CALN1: variants seen among roughly 807,000 people sequenced by gnomAD.
CALN1 encodes the protein calcium-binding protein 8.
Under a neutral mutation model 30.6 loss-of-function variants are expected in CALN1, and 17 were observed. The ratio of observed to expected loss-of-function variants is 0.56; its 90% confidence interval spans 0.38 to 0.83. The LOEUF is 0.83. CALN1 is among the 40% of genes least tolerant of loss of function. The probability of loss-of-function intolerance (pLI) is 0.00; values close to 1 mark genes in which losing one functional copy is unlikely to be tolerated. For synonymous variants in CALN1, 156 were observed against 131.4 expected (o/e 1.19, Z -1.28); for missense variants, 291 against 354.9 (o/e 0.82, Z 1.45).
intron 1 of CALN1, among the ~76,000 whole-genome samples, chr7:72,429,333 T>C (rs898779939): frequency 3.9e-5 from 6 of 152,194 alleles, no homozygotes; most frequent in South Asian, 4.1e-4. Flanking sequence ...GTTTTGTTCC[T>C]TGCAACATCT....
chr7:71,894,502 C>T (rs1162099325), intron 5 of CALN1, among the ~76,000 whole-genome samples: 1 of 152,162 alleles, frequency 6.6e-6, no homozygotes, highest in Admixed American at 6.5e-5. Flanking sequence ...CCTGGCCTCA[C>T]TCAGGTGATC....
chr7:72,204,500 A>C (rs1363030327), intron 3 of CALN1, among the ~76,000 whole-genome samples: 1 of 152,206 alleles, frequency 6.6e-6, no homozygotes, highest in Non-Finnish European at 1.5e-5. Context: ...AACATTATAA[A>C]AACTATACTA....
chr7:72,406,479 C>T (rs1055649997), intron 1 of CALN1, among the ~76,000 whole-genome samples: 5 of 152,136 alleles, frequency 3.3e-5, no homozygotes, highest in African/African-American at 1.2e-4. Flanking sequence ...CAGAATTTGT[C>T]CTCTAAAGTC....
chr7:72,325,828 C>T (rs1462282716), intron 2 of CALN1, among the ~76,000 whole-genome samples: 1 of 152,106 alleles, frequency 6.6e-6, no homozygotes, highest in African/African-American at 2.4e-5. Flanking sequence ...ACAAAACAGG[C>T]TTGAAAATGC....
chr7:72,305,594 A>G (rs1437476117), intron 2 of CALN1, among the ~76,000 whole-genome samples: 1 of 152,116 alleles, frequency 6.6e-6, no homozygotes, highest in Non-Finnish European at 1.5e-5. Flanking sequence ...CTCTCCCAAG[A>G]CAGTGAGAGG....
intron 2 of CALN1, among the ~76,000 whole-genome samples, chr7:72,394,442 T>G (rs1009863199): frequency 5.9e-5 from 9 of 152,200 alleles, no homozygotes; most frequent in South Asian, 4.1e-4. Context: ...TCCAAAGCAT[T>G]GCCTGTGAGA....
In CALN1 at chr7:72,283,369, C is replaced by G. The variant is rs141497339; in HGVS notation, c.120-4559G>C. ...GCAAGACCCTGTCTCTTCACACAGA[C>G]CAAAAAATAAAAAAATTTAGCTGGG... is the stretch of plus-strand genomic sequence containing the variant. On this transcript the variant is annotated intron_variant, in intron 2 of 6. Transcript: ENST00000395275. Among the ~76,000 whole-genome samples, 703 of 151,794 alleles carry G rather than the reference C, an allele frequency of 4.6e-3. 5 individuals carry two copies. The highest frequency in any genetic ancestry group is 0.016 in the African/African-American group (677 of 41,356).
At chr7:72,018,900 G>A (rs567113407) in intron 5 of CALN1, among the ~76,000 whole-genome samples, 2 of 151,976 alleles carry the variant, frequency 1.3e-5, no homozygotes, top group African/African-American at 4.8e-5. Flanking sequence ...GCAGTGGCTC[G>A]ATCTCAGCTC....
chr7:72,334,853 T>C (rs1486415533), intron 2 of CALN1, among the ~76,000 whole-genome samples: 1 of 152,188 alleles, frequency 6.6e-6, no homozygotes, highest in Admixed American at 6.5e-5. Flanking sequence ...AACAGCTTCA[T>C]GCAGCTATTG....
At chr7:72,494,006 A>G in the CALN1 span, among the ~76,000 whole-genome samples, 3 of 152,212 alleles carry the variant, frequency 2.0e-5, no homozygotes, top group Admixed American at 6.5e-5. Flanking sequence ...CCTGGGCAAC[A>G]TAGAGAGACC....
the CALN1 span, among the ~76,000 whole-genome samples, chr7:72,501,419 A>AAAGAG: frequency 6.8e-6 from 1 of 146,704 alleles, no homozygotes; most frequent in Non-Finnish European, 1.5e-5. Context: ...AGAGAAGAAG[A>AAAGAG]AAGAGGAAGA....
In CALN1 at chr7:71,925,292, G is replaced by A. The variant is rs184255431; in HGVS notation, c.501+98365C>T. Among the ~76,000 whole-genome samples, 33 of 151,974 alleles carry A rather than the reference G, an allele frequency of 2.2e-4. No individual in the cohort carries two copies. The East Asian group carries it at 5.4e-3, about 25-fold the overall frequency. On this transcript the variant is annotated intron_variant, in intron 5 of 6. Transcript: ENST00000395275. ...GCAAGCAAGCAAGCAAGCAAGAAAA[G>A]AAAAGAAAAGAAAGAAGAAAGATTG...
intron 4 of CALN1, among the ~76,000 whole-genome samples, chr7:72,077,867 G>A (rs1804856622): frequency 6.6e-6 from 1 of 152,182 alleles, no homozygotes; most frequent in Non-Finnish European, 1.5e-5. Context: ...TTCTATGCCA[G>A]GTACCTGATA....
chr7:72,305,004 G>C (rs1025984564), intron 2 of CALN1, among the ~76,000 whole-genome samples: 2 of 152,188 alleles, frequency 1.3e-5, no homozygotes, highest in African/African-American at 2.4e-5. Context: ...ACAGGACCAA[G>C]GCTGCCTGAT....
chr7:72,033,230 A>G (rs1801571926), intron 4 of CALN1, among the ~76,000 whole-genome samples: 1 of 152,244 alleles, frequency 6.6e-6, no homozygotes, highest in Admixed American at 6.5e-5. Flanking sequence ...GGACTGTACA[A>G]CATTCATTAA....
chr7:72,099,045 C>T (rs1041198336), intron 4 of CALN1, among the ~76,000 whole-genome samples: 3 of 152,168 alleles, frequency 2.0e-5, no homozygotes, highest in African/African-American at 4.8e-5. Flanking sequence ...CAAACCCAGG[C>T]GAATTCCAGC....
intron 3 of CALN1, among the ~76,000 whole-genome samples, chr7:72,137,783 C>G (rs1449646054): frequency 6.6e-6 from 1 of 152,164 alleles, no homozygotes; most frequent in Non-Finnish European, 1.5e-5. Flanking sequence ...AAAATATACT[C>G]TAGCATATTC....
intron 6 of CALN1, among the ~76,000 whole-genome samples, chr7:71,791,096 A>T (rs907414049): frequency 6.6e-6 from 1 of 152,180 alleles, no homozygotes; most frequent in African/African-American, 2.4e-5. Flanking sequence ...GAAGCTGGCC[A>T]TATTTCCAAA....
chr7:72,269,890 C>A (rs1796857706), intron 3 of CALN1, among the ~76,000 whole-genome samples: 1 of 152,148 alleles, frequency 6.6e-6, no homozygotes, highest in African/African-American at 2.4e-5. Context: ...GGATTTAGCA[C>A]ATACAACTTT....
Sources: gnomAD v4.1 joint callset for allele counts (sites outside exome capture counted in the v4.1 genomes callset) on GRCh38, gnomAD v4.1.1 for gene constraint, MANE v1.5 for transcripts, NCBI Gene and HGNC (gene_info 2026-07-23, HGNC 2026-07-21) for gene names.